SLC6A11: variants seen among roughly 807,000 people sequenced by gnomAD.
SLC6A11 encodes the protein solute carrier family 6 member 11, also known as sodium- and chloride-dependent GABA transporter 3.
A neutral mutation model predicts 74.8 loss-of-function variants in SLC6A11; 25 were observed. That is an observed-to-expected ratio of 0.33 (90% CI 0.24 to 0.47). SLC6A11 has a LOEUF of 0.47. Ranked by LOEUF, SLC6A11 falls within the 20% of genes least tolerant of loss-of-function variation. SLC6A11 has a pLI of 1.00. For synonymous variants in SLC6A11, 330 were observed against 330.2 expected, an observed-to-expected ratio of 1.00 and a Z score of 0.01; for missense variants, 574 against 837.0, an observed-to-expected ratio of 0.69 and a Z score of 3.88.
intron 6 of SLC6A11, among the ~76,000 whole-genome samples, chr3:10,896,199 C>T (rs1435059376): frequency 6.6e-6 from 1 of 152,238 alleles, no homozygotes; most frequent in East Asian, 1.9e-4. Context: ...GGGGAGGAGA[C>T]AGTCAGGGCC....
chr3:10,873,170 G>C (rs185887782), intron 5 of SLC6A11, among the ~76,000 whole-genome samples: 14 of 152,300 alleles, frequency 9.2e-5, no homozygotes, highest in African/African-American at 3.4e-4. Flanking sequence ...GGCCGCTCTT[G>C]TGCGAGGAAG....
At chr3:10,849,140 T>C (rs1459244206) in intron 5 of SLC6A11, among the ~76,000 whole-genome samples, 1 of 152,248 alleles carries the variant, frequency 6.6e-6, no homozygotes, top group Non-Finnish European at 1.5e-5. Context: ...TAGACACTAT[T>C]GGAAATTTCA....
chr3:10,855,069 TA>T (rs1212809405), intron 5 of SLC6A11, among the ~76,000 whole-genome samples: 7 of 151,854 alleles, frequency 4.6e-5, no homozygotes, highest in Admixed American at 2.0e-4. Context: ...GGGAGATGGG[TA>T]GGGGGGCAGT....
At chr3:10,875,121 G>T (rs1694892541) in intron 6 of SLC6A11, 26 bp downstream of exon 6, 2 of 1,572,248 alleles carry the variant, frequency 1.3e-6, no homozygotes, top group Non-Finnish European at 1.7e-6. Flanking sequence ...TCAATGTGCA[G>T]CATCACCCAC....
chr3:10,892,793 C>A (rs1348982830), intron 6 of SLC6A11, among the ~76,000 whole-genome samples: 2 of 152,114 alleles, frequency 1.3e-5, no homozygotes, highest in African/African-American at 4.8e-5. Flanking sequence ...ATTTTTATAT[C>A]ATAAATCACC....
At chr3:10,886,737 G>T (rs1460720083) in intron 6 of SLC6A11, among the ~76,000 whole-genome samples, 1 of 151,626 alleles carries the variant, frequency 6.6e-6, no homozygotes, top group African/African-American at 2.4e-5. Flanking sequence ...AACCAGGGAG[G>T]TGGAGGTTGC....
chr3:10,918,332 C>T lies in SLC6A11; in HGVS notation c.999C>T (p.Asp333=), dbSNP rs776536616. 2.5e-6 allele frequency: 4 copies of T among 1,593,484 alleles called. No homozygotes were observed. The highest frequency in any genetic ancestry group is 3.4e-6 in the Non-Finnish European group (4 of 1,171,882). ...GCCTCTCGCTGCTTCCCCACAGGGA[C>T]TGCATCATGCTCTGTTGCCTGAACA... ...YNNYNNNCYR[D]CIMLCCLNSG... Residue 333 remains aspartate (D), a synonymous_variant, in exon 8 of 14, where the codon GAC becomes GAT. Coordinates refer to ENST00000254488, the MANE Select transcript of SLC6A11 (RefSeq NM_014229.3). This position sits in a 1 kb window ranked among gnomAD's most constrained non-coding sequence, Gnocchi z 4.5.
chr3:10,885,776 C>A (rs1368987700), intron 6 of SLC6A11, among the ~76,000 whole-genome samples: 1 of 152,088 alleles, frequency 6.6e-6, no homozygotes, highest in Non-Finnish European at 1.5e-5. Flanking sequence ...GAGCCCCCAT[C>A]CCCTTGCCTC....
chr3:10,903,618 G>A (rs1695267686), intron 6 of SLC6A11, among the ~76,000 whole-genome samples: 1 of 152,198 alleles, frequency 6.6e-6, no homozygotes, highest in Admixed American at 6.5e-5. Context: ...CTTATGGTGC[G>A]GGGAAGAGGG....
At chr3:10,929,931 CT>C (rs1298264423) in intron 10 of SLC6A11, among the ~76,000 whole-genome samples, 1 of 152,130 alleles carries the variant, frequency 6.6e-6, no homozygotes, top group Non-Finnish European at 1.5e-5. Context: ...CATAGCCATC[CT>C]GTCAAATAAA....
At chr3:10,872,583 A>G (rs1694840289) in intron 5 of SLC6A11, among the ~76,000 whole-genome samples, 1 of 152,116 alleles carries the variant, frequency 6.6e-6, no homozygotes. Flanking sequence ...TTTACTACCA[A>G]CTGGAAGTCG....
At position 10,918,547 on chromosome 3, in the gene SLC6A11, A is replaced by G. The variant is rs1695490921; in HGVS notation, c.1120+94A>G. 2.1e-6 allele frequency: 3 copies of G among 1,415,392 alleles called. No individual in the cohort carries two copies. The highest frequency in any genetic ancestry group is 2.7e-5 in the East Asian group (1 of 37,024). The allele number at this position is 1,415,392 out of a possible 1,614,324, so 87.7% of individuals were successfully genotyped here. A position where few individuals can be genotyped will look rare whatever the true frequency, so the allele number is the denominator to read the frequency against. On this transcript the variant is annotated intron_variant, in intron 8 of 13. Coordinates refer to ENST00000254488, the MANE Select transcript of SLC6A11 (RefSeq NM_014229.3). The surrounding 1 kb of genome is among the most constrained non-coding windows in gnomAD (Gnocchi z 4.5). ...TGCGATCTTCCTCCTCGGCTCACAC[A>G]TCTCCTGGATTCAGGCCTCAGAAAG...
In SLC6A11 at chr3:10,816,397, C is replaced by G; in HGVS notation, c.132C>G (p.Asp44Glu). 1 of 1,572,378 alleles carries G rather than the reference C, an allele frequency of 6.4e-7. No individual in the cohort carries two copies. Among genetic ancestry groups the G allele is most frequent in the Non-Finnish European group, 8.6e-7 (1 of 1,160,636 alleles). The change falls in exon 1 of 14, where the codon GAC becomes GAG. Residue 44 changes from aspartate to glutamate, a missense_variant. By Grantham distance (45) the Asp-to-Glu change is conservative (BLOSUM62 2). Coordinates refer to ENST00000254488, the MANE Select transcript of SLC6A11 (RefSeq NM_014229.3). This position sits in a 1 kb window ranked among gnomAD's most constrained non-coding sequence, Gnocchi z 4.2. Reference sequence around the variant, plus strand: ...CGCGCCACCCGCGCGTCAAGCGCGACAAGGCGGTCCACGAGCGCGGCCACT... The same window carrying G: ...CGCGCCACCCGCGCGTCAAGCGCGAGAAGGCGGTCCACGAGCGCGGCCACT... ...APARHPRVKRDKAVHERGHWN... is the reference protein window; with the variant it reads ...APARHPRVKREKAVHERGHWN...
At chr3:10,873,902 CCTATGCTATG>C (rs887780223) in intron 5 of SLC6A11, among the ~76,000 whole-genome samples, 4 of 152,076 alleles carry the variant, frequency 2.6e-5, no homozygotes, top group Non-Finnish European at 5.9e-5. Context: ...TCTATGCTAT[CCTATGCTATG>C]CTATGCTACA....
chr3:10,855,127 G>C (rs1168978740), intron 5 of SLC6A11, among the ~76,000 whole-genome samples: 2 of 152,150 alleles, frequency 1.3e-5, no homozygotes, highest in African/African-American at 4.8e-5. Context: ...AGCAAATTCA[G>C]TCCTCTAACT....
At chr3:10,882,107 A>G (rs1332397827) in intron 6 of SLC6A11, among the ~76,000 whole-genome samples, 4 of 152,098 alleles carry the variant, frequency 2.6e-5, no homozygotes, top group African/African-American at 7.2e-5. Context: ...TGGTGGCCCC[A>G]TTCGTCCTCC....
At chr3:10,855,121 A>G (rs901598570) in intron 5 of SLC6A11, among the ~76,000 whole-genome samples, 2 of 152,166 alleles carry the variant, frequency 1.3e-5, no homozygotes, top group Non-Finnish European at 2.9e-5. Context: ...CTAATCAGCA[A>G]ATTCAGTCCT....
intron 8 of SLC6A11, among the ~76,000 whole-genome samples, chr3:10,919,322 T>C (rs1424627993): frequency 1.3e-5 from 2 of 152,248 alleles, no homozygotes; most frequent in African/African-American, 4.8e-5. Flanking sequence ...AAATGGAGTC[T>C]AACCTCAGAT....
intron 6 of SLC6A11, among the ~76,000 whole-genome samples, chr3:10,908,083 A>T (rs1042073900): frequency 3.3e-5 from 5 of 152,198 alleles, no homozygotes; most frequent in Non-Finnish European, 5.9e-5. Flanking sequence ...GTGAGCCATG[A>T]TCACACCACT....
Sources: allele counts gnomAD v4.1 joint callset (sites outside exome capture counted in the v4.1 genomes callset), GRCh38; gene constraint gnomAD v4.1.1; non-coding constraint Gnocchi (gnomAD v3.1); transcripts MANE v1.5; gene names NCBI Gene and HGNC (gene_info 2026-07-23, HGNC 2026-07-21).